Variants in KCTD20 observed in about 807,000 individuals in gnomAD.
The protein encoded by KCTD20 is potassium channel tetramerization domain containing 20.
KCTD20 carries 30 observed loss-of-function variants against 39.6 expected under a neutral mutation model. The observed-to-expected ratio is 0.76, with a 90% CI of 0.57 to 1.03. The LOEUF is 1.03. KCTD20 is among the 50% of genes least tolerant of loss of function. KCTD20 has a pLI of 0.00. For synonymous variants in KCTD20, 162 were observed against 180.6 expected (o/e 0.90, Z 0.83); for missense variants, 422 against 522.0 (o/e 0.81, Z 1.87).
At chr6:36,475,689 C>G (rs1305496469) in intron 3 of KCTD20, among the ~76,000 whole-genome samples, 4 of 151,878 alleles carry the variant, frequency 2.6e-5, no homozygotes, top group African/African-American at 9.7e-5. Flanking sequence ...GTAATGTTTT[C>G]AGAGTTTCAC....
chr6:36,447,919 A>C (rs1775101297), intron 1 of KCTD20, among the ~76,000 whole-genome samples: 2 of 151,142 alleles, frequency 1.3e-5, no homozygotes, highest in Admixed American at 6.6e-5. Flanking sequence ...TGAACCCAGA[A>C]GGTGGAGGTT....
At position 36,479,208 on chromosome 6, in the gene KCTD20, A is replaced by G. The variant is rs1776161530; in HGVS notation, c.522A>G (p.Val174=). ...TTGCTGAAGGCATCAGTGCAACTGT[A>G]TTTCGCACAGTGCTGGTGTGTGGTA... ...YEIAEGISAT[V]FRTVLDYYKT... is the part of the protein sequence containing the mutation. The change falls in exon 4 of 8, where the codon GTA becomes GTG. Residue 174 remains valine (V), a synonymous_variant. Coordinates refer to ENST00000373731, the MANE Select transcript of KCTD20 (RefSeq NM_173562.5). The G allele has an allele frequency of 6.2e-7, 1 of 1,612,816 alleles. No homozygotes were observed. The highest frequency in any genetic ancestry group is 8.5e-7 in the Non-Finnish European group (1 of 1,178,900).
chr6:36,473,372 T>C (rs1408601065), intron 2 of KCTD20, among the ~76,000 whole-genome samples: 2 of 152,084 alleles, frequency 1.3e-5, no homozygotes, highest in Non-Finnish European at 2.9e-5. Context: ...TATTTTTAAG[T>C]GCTCTCACGT....
intron 4 of KCTD20, 78 bp downstream of exon 4, chr6:36,479,301 A>G (rs563772411): frequency 1.0e-5 from 11 of 1,053,104 alleles, no homozygotes; most frequent in African/African-American, 3.2e-5. Context: ...TCCATCAACT[A>G]TGTTATTGAC....
At chr6:36,472,672 A>C (rs1775947183) in intron 2 of KCTD20, among the ~76,000 whole-genome samples, 1 of 152,138 alleles carries the variant, frequency 6.6e-6, no homozygotes. Flanking sequence ...TTTCATTAAA[A>C]AACTTTTTTT....
chr6:36,485,501 T>C (rs563614745), intron 7 of KCTD20, among the ~76,000 whole-genome samples: 21 of 145,882 alleles, frequency 1.4e-4, no homozygotes, highest in Non-Finnish European at 2.3e-4. Context: ...TTTTTTTTTT[T>C]TTTTTTTTTT....
intron 1 of KCTD20, among the ~76,000 whole-genome samples, chr6:36,446,903 C>T (rs77767484): frequency 0.013 from 1,916 of 152,238 alleles, 17 homozygotes; most frequent in Non-Finnish European, 0.019. Flanking sequence ...ACGTTCTATA[C>T]CAGCCACTTA....
chr6:36,466,076 CTT>C (rs1169041535), intron 1 of KCTD20, among the ~76,000 whole-genome samples: 19 of 141,472 alleles, frequency 1.3e-4, no homozygotes, highest in East Asian at 2.0e-4. Flanking sequence ...TGTTTCTTTT[CTT>C]TTTTTTTTTT....
intron 1 of KCTD20, among the ~76,000 whole-genome samples, chr6:36,463,823 T>A (rs1391232673): frequency 6.6e-6 from 1 of 152,186 alleles, no homozygotes; most frequent in Admixed American, 6.5e-5. Flanking sequence ...GCATTTTGTT[T>A]ATAGCAGCAC....
intron 2 of KCTD20, among the ~76,000 whole-genome samples, chr6:36,471,274 T>C (rs1775903913): frequency 6.6e-6 from 1 of 152,130 alleles, no homozygotes; most frequent in Non-Finnish European, 1.5e-5. Flanking sequence ...GCACCAATAA[T>C]AGCAACTACC....
chr6:36,481,504 C>A, intron 5 of KCTD20, 58 bp from the exon 6 acceptor site: 1 of 1,291,904 alleles, frequency 7.7e-7, no homozygotes, highest in Non-Finnish European at 1.1e-6. Context: ...GTCTTTTTCA[C>A]TCCAGTAATA....
intron 1 of KCTD20, among the ~76,000 whole-genome samples, chr6:36,468,791 T>G (rs1026413807): frequency 6.6e-6 from 1 of 152,252 alleles, no homozygotes; most frequent in African/African-American, 2.4e-5. Flanking sequence ...TCCTTCAATT[T>G]GCTTAATAAG....
chr6:36,448,733 G>A (rs62402181), intron 1 of KCTD20, among the ~76,000 whole-genome samples: 3,691 of 152,256 alleles, frequency 0.024, 50 homozygotes, highest in Non-Finnish European at 0.027. Flanking sequence ...CTTCCAGTGG[G>A]TTCTTGGTCT....
chr6:36,457,049 C>T (rs1254389592), intron 1 of KCTD20, among the ~76,000 whole-genome samples: 2 of 152,152 alleles, frequency 1.3e-5, no homozygotes, highest in Non-Finnish European at 2.9e-5. Flanking sequence ...CCACCTGCCT[C>T]GGCCTCCCAA....
At position 36,479,635 on chromosome 6, in the gene KCTD20, TATCCCAGATCTTAGAGATACTTGTG is replaced by T; in HGVS notation, c.585_609del (p.Pro196IlefsTer16). The T allele has an allele frequency of 6.2e-7, 1 of 1,609,844 alleles. No individual in the cohort carries two copies. The highest frequency in any genetic ancestry group is 8.5e-7 in the Non-Finnish European group (1 of 1,177,964). ...TCATCAATTGTCCTGATGGCATCTC[TATCCCAGATCTTAGAGATACTTGTG>T]ATTATCTCTGCATTAATTTTGACTT... On this transcript the variant is annotated frameshift_variant, in exon 5 of 8. Transcript: ENST00000373731. LOFTEE classifies it high-confidence loss of function.
chr6:36,481,121 TTTC>T (rs1248008148), intron 5 of KCTD20, among the ~76,000 whole-genome samples: 1 of 152,232 alleles, frequency 6.6e-6, no homozygotes, highest in Non-Finnish European at 1.5e-5. Flanking sequence ...GTACATGTGA[TTTC>T]TTTACTGAGT....
intron 1 of KCTD20, among the ~76,000 whole-genome samples, chr6:36,456,624 G>C (rs966031542): frequency 7.8e-6 from 1 of 127,684 alleles, no homozygotes; most frequent in East Asian, 2.4e-4. Context: ...ATCTTGCTCT[G>C]TTATCCACGG....
chr6:36,459,376 CTATA>C (rs1052866204), intron 1 of KCTD20, among the ~76,000 whole-genome samples: 1 of 152,204 alleles, frequency 6.6e-6, no homozygotes, highest in Non-Finnish European at 1.5e-5. Context: ...AAGCCTTACA[CTATA>C]TACCATAATT....
intron 1 of KCTD20, among the ~76,000 whole-genome samples, chr6:36,450,035 G>A (rs1274061783): frequency 2.0e-5 from 3 of 151,938 alleles, no homozygotes; most frequent in Non-Finnish European, 4.4e-5. Context: ...GTGGTTGCAG[G>A]CGCCTGTAGT....
Sources: gnomAD v4.1 joint callset for allele counts (sites outside exome capture counted in the v4.1 genomes callset) on GRCh38, gnomAD v4.1.1 for gene constraint, MANE v1.5 for transcripts, NCBI Gene and HGNC (gene_info 2026-07-23, HGNC 2026-07-21) for gene names.